The following CTNNA2 variants were observed in gnomAD, a reference collection of about 807,000 sequenced individuals.
CTNNA2 encodes the protein catenin alpha-2.
CTNNA2 carries 42 observed loss-of-function variants against 101.0 expected under a neutral mutation model. The ratio of observed to expected loss-of-function variants is 0.42; its 90% CI spans 0.32 to 0.54. CTNNA2 has a LOEUF of 0.54. Among genes scored for constraint, CTNNA2 ranks in the 20% least tolerant of loss-of-function variants. CTNNA2 has a pLI of 0.14. For missense variants in CTNNA2, 871 were observed against 1,223.1 expected, an observed-to-expected ratio of 0.71 and a Z score of 4.29; for synonymous variants, 450 against 456.4, an observed-to-expected ratio of 0.99 and a Z score of 0.18.
intron 3 of CTNNA2, among the ~76,000 whole-genome samples, chr2:79,343,968 A>G (rs1425216826): frequency 1.3e-5 from 2 of 152,182 alleles, no homozygotes; most frequent in Admixed American, 1.3e-4. Context: ...GTACGGATCT[A>G]AGATCCAAAA....
chr2:79,252,736 T>C (rs147058659), intron 2 of CTNNA2, among the ~76,000 whole-genome samples: 2 of 152,296 alleles, frequency 1.3e-5, no homozygotes, highest in Non-Finnish European at 2.9e-5. Flanking sequence ...GTGATAAGTT[T>C]GTAATGCATT....
chr2:80,325,135 A>C (rs1377275648), intron 7 of CTNNA2, among the ~76,000 whole-genome samples: 1 of 152,214 alleles, frequency 6.6e-6, no homozygotes, highest in African/African-American at 2.4e-5. Context: ...TCAAATGAAT[A>C]AATGAATGAA....
intron 2 of CTNNA2, among the ~76,000 whole-genome samples, chr2:79,312,004 G>C (rs1676385783): frequency 6.6e-6 from 1 of 151,946 alleles, no homozygotes; most frequent in Admixed American, 6.6e-5. Context: ...CTGCTCAACA[G>C]ATCCTTCTGC....
At chr2:79,919,214 G>A (rs1269288046) in intron 7 of CTNNA2, among the ~76,000 whole-genome samples, 1 of 152,144 alleles carries the variant, frequency 6.6e-6, no homozygotes, top group African/African-American at 2.4e-5. Context: ...CTGGGATCTG[G>A]TAATCTCTTA....
At chr2:80,381,839 C>T (rs1201901259) in intron 7 of CTNNA2, among the ~76,000 whole-genome samples, 2 of 152,158 alleles carry the variant, frequency 1.3e-5, no homozygotes, top group East Asian at 1.9e-4. Context: ...ACCATTTTAT[C>T]GAATCTATTC....
At chr2:79,895,426 T>C (rs1294231095) in intron 6 of CTNNA2, among the ~76,000 whole-genome samples, 3 of 152,200 alleles carry the variant, frequency 2.0e-5, no homozygotes, top group South Asian at 2.1e-4. Context: ...ACATGAAATT[T>C]GAGTGTATAA....
intron 3 of CTNNA2, among the ~76,000 whole-genome samples, chr2:79,807,140 CT>C (rs985108129): frequency 6.6e-6 from 1 of 152,044 alleles, no homozygotes; most frequent in South Asian, 2.1e-4. Flanking sequence ...CTTAAGAACA[CT>C]TTTTTTAAAT....
At chr2:80,108,207 C>T (rs1354776318) in intron 7 of CTNNA2, among the ~76,000 whole-genome samples, 1 of 152,152 alleles carries the variant, frequency 6.6e-6, no homozygotes, top group Admixed American at 6.5e-5. Flanking sequence ...AGGGGAGCAG[C>T]CTTGGGTAGC....
At chr2:80,603,765 G>A (rs1345691606) in intron 15 of CTNNA2, 1 of 279,216 alleles carries the variant, frequency 3.6e-6, no homozygotes, top group Non-Finnish European at 6.8e-6. Flanking sequence ...ACAGCTTTTG[G>A]TACACGGTAA....
chr2:80,458,104 T>C (rs7600784), intron 9 of CTNNA2, among the ~76,000 whole-genome samples: 67,937 of 152,048 alleles, frequency 0.45, 17,752 homozygotes, highest in East Asian at 0.75. Context: ...ACAGCAGCTA[T>C]AGAAATAAGT....
At chr2:80,262,551 C>A (rs1038633324) in intron 7 of CTNNA2, among the ~76,000 whole-genome samples, 1 of 152,142 alleles carries the variant, frequency 6.6e-6, no homozygotes, top group South Asian at 2.1e-4. Context: ...GAGGATTGCC[C>A]ATGTGGCTGT....
intron 2 of CTNNA2, among the ~76,000 whole-genome samples, chr2:79,699,807 ACACACACAC>A (rs1684877568): frequency 6.8e-6 from 1 of 146,906 alleles, no homozygotes; most frequent in Non-Finnish European, 1.5e-5. Context: ...ACACACACAC[ACACACACAC>A]ACACACACAC....
intron 4 of CTNNA2, among the ~76,000 whole-genome samples, chr2:79,394,549 A>T (rs956208670): frequency 2.0e-5 from 3 of 152,228 alleles, no homozygotes; most frequent in Admixed American, 6.5e-5. Flanking sequence ...TTGGAAAATC[A>T]ACCTGGGGGT....
intron 7 of CTNNA2, among the ~76,000 whole-genome samples, chr2:80,093,843 G>A (rs1699957952): frequency 6.6e-6 from 1 of 152,068 alleles, no homozygotes; most frequent in African/African-American, 2.4e-5. Flanking sequence ...CCCACTTTTT[G>A]ATGGGGTTGT....
chr2:79,687,510 G>A, intron 2 of CTNNA2: 1 of 647,148 alleles, frequency 1.5e-6, no homozygotes, highest in Non-Finnish European at 2.8e-6. Flanking sequence ...TACCCAGAGG[G>A]CACACACTGG....
intron 9 of CTNNA2, among the ~76,000 whole-genome samples, chr2:80,445,683 T>C (rs1486663448): frequency 6.6e-6 from 1 of 152,226 alleles, no homozygotes; most frequent in Non-Finnish European, 1.5e-5. Context: ...CTGGTGATTC[T>C]GACACAGTCT....
At position 79,486,441 on chromosome 2, in the gene CTNNA2, A is replaced by G. The variant is rs185491955; in HGVS notation, c.-134-18613A>G. ...ATAGATGCATAGTATTCCATGGTGT[A>G]AATGTGCCACATTTTCTTAATCCAG... is the stretch of plus-strand genomic sequence containing the variant. On this transcript the variant is annotated intron_variant, in intron 4 of 21. Transcript: ENST00000466387. Among the ~76,000 whole-genome samples the G allele has an allele frequency of 5.6e-3, 859 of 152,294 alleles. 9 individuals carry two copies. Among genetic ancestry groups the G allele is most frequent in the African/African-American group, 0.02 (818 of 41,556 alleles).
intron 3 of CTNNA2, among the ~76,000 whole-genome samples, chr2:79,321,532 G>T (rs1055471902): frequency 3.9e-4 from 59 of 152,252 alleles, no homozygotes; most frequent in African/African-American, 1.4e-3. Flanking sequence ...ATTGGCTAGG[G>T]GTTCTCTTTG....
intron 2 of CTNNA2, among the ~76,000 whole-genome samples, chr2:79,676,938 G>A (rs955700925): frequency 6.6e-6 from 1 of 151,996 alleles, no homozygotes; most frequent in Admixed American, 6.6e-5. Flanking sequence ...CTATTCCCCT[G>A]TCATCCTCAA....
Sources: allele counts gnomAD v4.1 joint callset (sites outside exome capture counted in the v4.1 genomes callset), GRCh38; gene constraint gnomAD v4.1.1; transcripts MANE v1.5; gene names NCBI Gene and HGNC (gene_info 2026-07-23, HGNC 2026-07-21).